The following SLURP2 variants were observed in gnomAD, a reference collection of about 807,000 sequenced individuals.
SLURP2 encodes the protein secreted LY6/PLAUR domain containing 2.
Under a neutral mutation model 9.8 loss-of-function variants are expected in SLURP2, and 4 were observed. That is an observed-to-expected ratio of 0.41 (90% CI 0.20 to 0.94). SLURP2 has a LOEUF of 0.94. SLURP2 is among the 40% of genes least tolerant of loss of function. The pLI, the probability that SLURP2 is intolerant of heterozygous loss-of-function variation, is 0.32. For synonymous variants in SLURP2, 58 were observed against 56.2 expected, an observed-to-expected ratio of 1.03 and a Z score of -0.15; for missense variants, 118 against 126.4, an observed-to-expected ratio of 0.93 and a Z score of 0.32.
chr8:142,769,478 G>A (rs375553502), intron 1 of SLURP2, among the ~76,000 whole-genome samples: 8 of 150,030 alleles, frequency 5.3e-5, no homozygotes, highest in African/African-American at 2.0e-4. Flanking sequence ...GCGGTGGACT[G>A]GAGAGGTCTG....
intron 1 of SLURP2, among the ~76,000 whole-genome samples, chr8:142,767,785 C>T (rs61054943): frequency 0.37 from 55,703 of 151,712 alleles, 10,366 homozygotes; most frequent in Non-Finnish European, 0.39. Context: ...GCTCCTTCCT[C>T]ACCCCCACCC....
At position 142,764,684 on chromosome 8, in the gene SLURP2, C is replaced by T. The variant is rs1373749535; in HGVS notation, c.215G>A (p.Cys72Tyr). Residue 72 changes from cysteine to tyrosine, a missense_variant, in exon 3 of 3, where the codon TGC becomes TAC. Coordinates refer to ENST00000317543, the MANE Select transcript of SLURP2 (RefSeq NM_177458.3). ...CAGGCCCAGGCTGGGGATATCGGGG[C>T]AGCCTATGTGGCACATCTTGGTGAC... is the stretch of plus-strand genomic sequence containing the variant. ...PLVTKMCHIG[C>Y]PDIPSLGLGP... The T allele has an allele frequency of 3.7e-6, 6 of 1,612,696 alleles. No homozygotes were observed.
At chr8:142,769,723 G>A (rs766735588) in intron 1 of SLURP2, 32 bp downstream of exon 1, 4 of 1,588,272 alleles carry the variant, frequency 2.5e-6, no homozygotes, top group Non-Finnish European at 3.4e-6. Context: ...TGGGGGCCTT[G>A]AGCAGGAGGT....
chr8:142,765,072 G>T lies in SLURP2; in HGVS notation c.121C>A (p.Leu41Met). 1.9e-6 allele frequency: 3 copies of T among 1,612,882 alleles called. No individual in the cohort carries two copies. Among genetic ancestry groups the T allele is most frequent in the South Asian group, 2.2e-5 (2 of 90,856 alleles). ...GTGACACAGTGGGTGGAGTCCCTCA[G>T]GCATCTGGATCCATGGGAGCACCCT... ...FGGCSHGSRC[L>M]RDSTHCVTTA... The change falls in exon 2 of 3, where the codon CTG becomes ATG. Residue 41 changes from leucine to methionine, a missense_variant. Leu to Met is a conservative substitution (Grantham distance 15, BLOSUM62 2). Transcript: ENST00000317543.
In SLURP2 at chr8:142,764,921, C is replaced by T; in HGVS notation, c.157+115G>A. ...TCCCTGGGCATCACTGGCGGACACT[C>T]CCCACTATGCTTCTGACTTACTGGG... is the stretch of plus-strand genomic sequence containing the variant. On this transcript the variant is annotated intron_variant, in intron 2 of 2. Coordinates refer to ENST00000317543, the MANE Select transcript of SLURP2 (RefSeq NM_177458.3). 2.7e-6 allele frequency: 3 copies of T among 1,127,530 alleles called. No homozygotes were observed. The South Asian group carries it at 4.1e-5, about 16-fold the overall frequency. The allele number at this position is 1,127,530 out of a possible 1,614,324, so 69.8% of individuals were successfully genotyped here.
At chr8:142,769,519 G>A (rs1203681095) in intron 1 of SLURP2, among the ~76,000 whole-genome samples, 1 of 141,338 alleles carries the variant, frequency 7.1e-6, no homozygotes, top group Non-Finnish European at 1.6e-5. Context: ...GGGGGTTTGA[G>A]CCAAGGGCTG....
chr8:142,768,238 G>A lies in SLURP2; in HGVS notation c.52+1517C>T. Among the ~76,000 whole-genome samples the A allele has an allele frequency of 7.6e-6, 1 of 131,570 alleles. No homozygotes were observed. The highest frequency in any genetic ancestry group is 1.6e-5 in the Non-Finnish European group (1 of 61,546). The allele number at this position is 131,570 out of a possible 152,430, so 86.3% of individuals were successfully genotyped here. A position where few individuals can be genotyped will look rare whatever the true frequency, so the allele number is the denominator to read the frequency against. ...AGGAGGAGGGAGGTGGGGTGGGGGG[G>A]AGGGGGCAGGAATAATGGAGGGACA... On this transcript the variant is annotated intron_variant, in intron 1 of 2. Coordinates refer to ENST00000317543, the MANE Select transcript of SLURP2 (RefSeq NM_177458.3). This position sits in a 1 kb window ranked among gnomAD's most constrained non-coding sequence, Gnocchi z 4.8.
chr8:142,767,802 G>A (rs1170407515), intron 1 of SLURP2, among the ~76,000 whole-genome samples: 4 of 152,014 alleles, frequency 2.6e-5, no homozygotes, highest in Non-Finnish European at 5.9e-5. Flanking sequence ...ACCCAAGCAT[G>A]AGGGCCTCTG....
Position 142,768,069 on chromosome 8 carries a change from G to A in SLURP2, c.52+1686C>T, listed in dbSNP as rs1356435550. On this transcript the variant is annotated intron_variant, in intron 1 of 2. Transcript: ENST00000317543. The surrounding 1 kb of genome is among the most constrained non-coding windows in gnomAD (Gnocchi z 4.8). The stretch of plus-strand genomic sequence containing the variant: ...TAGCTCCAAACCGGAAAGGCTGCTC[G>A]ATGGTGACTGTGAGGACACAGGGAC... Among the ~76,000 whole-genome samples, 2 of 151,722 alleles carry A rather than the reference G, an allele frequency of 1.3e-5. No homozygotes were observed. Among genetic ancestry groups the A allele is most frequent in the South Asian group, 2.1e-4 (1 of 4,766 alleles).
At chr8:142,764,924 C>G in intron 2 of SLURP2, 112 bp downstream of exon 2, 1 of 1,138,650 alleles carries the variant, frequency 8.8e-7, no homozygotes, top group Non-Finnish European at 1.3e-6. Context: ...GGACACTCCC[C>G]ACTATGCTTC....
In SLURP2 at chr8:142,768,134, GA is replaced by G. The variant is rs1484801969; in HGVS notation, c.52+1620del. ...CGCCTGACACACGGGAGGGAGGGGA[GA>G]TCAGGGGGAGAAGAGGAGAGAGGAA... On this transcript the variant is annotated intron_variant, in intron 1 of 2. Transcript: ENST00000317543. The surrounding 1 kb of genome is among the most constrained non-coding windows in gnomAD (Gnocchi z 4.8). Among the ~76,000 whole-genome samples, 2 of 149,830 alleles carry G rather than the reference GA, an allele frequency of 1.3e-5. No homozygotes were observed. Among genetic ancestry groups the G allele is most frequent in the Non-Finnish European group, 3.0e-5 (2 of 67,488 alleles).
chr8:142,767,404 G>A (rs1279168837), intron 1 of SLURP2, among the ~76,000 whole-genome samples: 4 of 152,200 alleles, frequency 2.6e-5, no homozygotes, highest in Non-Finnish European at 5.9e-5. Context: ...AGTCGGACAC[G>A]CCTCTACTCA....
intron 1 of SLURP2, chr8:142,766,206 A>C (rs1815001481): frequency 6.6e-6 from 1 of 152,172 alleles, no homozygotes; most frequent in Non-Finnish European, 1.5e-5. Context: ...TCAAGTCGTA[A>C]AACATGTTTT....
chr8:142,764,977 C>T, intron 2 of SLURP2, 59 bp downstream of exon 2: 1 of 1,435,430 alleles, frequency 7.0e-7, no homozygotes, highest in Non-Finnish European at 9.6e-7. Context: ...ACCCTCTGAG[C>T]CCACATCTTC....
Position 142,769,820 on chromosome 8 carries a change from G to C in SLURP2, c.-14C>G. 6.3e-7 allele frequency: 1 copy of C among 1,586,646 alleles called. No individual in the cohort carries two copies. The highest frequency in any genetic ancestry group is 2.3e-5 in the East Asian group (1 of 44,018). Reference sequence around the variant, plus strand: ...GCCGAGCTGCATGTTCTCCTGGTGAGGTCGGGCTGTCGGCGCCCTGGCCGG... The same window carrying C: ...GCCGAGCTGCATGTTCTCCTGGTGACGTCGGGCTGTCGGCGCCCTGGCCGG... On this transcript the variant is annotated 5_prime_UTR_variant, in exon 1 of 3. Transcript: ENST00000317543.
chr8:142,764,976 G>T (rs1814952795), intron 2 of SLURP2, 60 bp downstream of exon 2: 2 of 1,431,982 alleles, frequency 1.4e-6, no homozygotes, highest in Non-Finnish European at 1.9e-6. Context: ...CACCCTCTGA[G>T]CCCACATCTT....
At chr8:142,765,408 G>A (rs904034199) in intron 1 of SLURP2, among the ~76,000 whole-genome samples, 30 of 149,818 alleles carry the variant, frequency 2.0e-4, no homozygotes, top group Admixed American at 1.3e-4. Context: ...GCCCTGGCTC[G>A]CAGTGTGATG....
rs192870096 is a variant in SLURP2 at position 142,767,519 on chromosome 8, G to A, written c.52+2236C>T. 1.9e-4 allele frequency among the ~76,000 whole-genome samples: 29 copies of A among 152,294 alleles called. No individual in the cohort carries two copies. In the East Asian group the frequency reaches 5.2e-3, roughly 27 times the overall value. On this transcript the variant is annotated intron_variant, in intron 1 of 2. Coordinates refer to ENST00000317543, the MANE Select transcript of SLURP2 (RefSeq NM_177458.3). ...AGGAGGTGAGGATATGGGTGCCCAA[G>A]GGTGCCATGGAGAGAACCAGCTCCA...
intron 1 of SLURP2, among the ~76,000 whole-genome samples, chr8:142,769,468 G>A (rs587609372): frequency 3.1e-4 from 47 of 150,268 alleles, no homozygotes; most frequent in African/African-American, 1.1e-3. Flanking sequence ...GAGGGGTGTC[G>A]CGGTGGACTG....
Sources: gnomAD v4.1 joint callset for allele counts (sites outside exome capture counted in the v4.1 genomes callset) on GRCh38, gnomAD v4.1.1 for gene constraint, Gnocchi (gnomAD v3.1) non-coding constraint, MANE v1.5 for transcripts, NCBI Gene and HGNC (gene_info 2026-07-23, HGNC 2026-07-21) for gene names.